The following DNA2 variants were observed in gnomAD, a reference collection of about 807,000 sequenced individuals.
DNA2 encodes the protein DNA replication ATP-dependent helicase/nuclease DNA2.
In DNA2, 101 loss-of-function variants were observed where a neutral mutation model predicts 119.1. That is an observed-to-expected ratio of 0.85 (90% confidence interval 0.72 to 1.00). DNA2 has a LOEUF of 1.00. DNA2 is among the 50% of genes least tolerant of loss of function. DNA2 has a pLI of 0.00. For synonymous variants in DNA2, 366 were observed against 424.4 expected (o/e 0.86, Z 1.69); for missense variants, 1,121 against 1,255.5 (o/e 0.89, Z 1.62).
At chr10:68,439,149 C>G (rs1590059530) in intron 9 of DNA2, among the ~76,000 whole-genome samples, 1 of 149,286 alleles carries the variant, frequency 6.7e-6, no homozygotes, top group African/African-American at 2.5e-5. Context: ...AATCTCAGCA[C>G]TTTGGGAGGC....
chr10:68,469,851 A>C, intron 2 of DNA2, 130 bp downstream of exon 2: 2 of 809,772 alleles, frequency 2.5e-6, no homozygotes, highest in Non-Finnish European at 3.7e-6. Flanking sequence ...TTCATGCAGA[A>C]TTAGGCTAAG....
chr10:68,448,968 C>T (rs10998176), intron 6 of DNA2, among the ~76,000 whole-genome samples: 5,157 of 109,130 alleles, frequency 0.047, 395 homozygotes, highest in African/African-American at 0.16. Context: ...TGTGTGTGTG[C>T]GTGTGTGTGT....
intron 9 of DNA2, among the ~76,000 whole-genome samples, chr10:68,439,098 T>TA (rs2051931340): frequency 6.7e-6 from 1 of 149,540 alleles, no homozygotes; most frequent in Admixed American, 6.7e-5. Flanking sequence ...ACGTTTTACA[T>TA]AAAAAAACAT....
chr10:68,424,705 T>C (rs1802884712), intron 14 of DNA2: 2 of 1,604,838 alleles, frequency 1.2e-6, no homozygotes, highest in East Asian at 2.2e-5. Flanking sequence ...TCCACACCCA[T>C]CCGCAAGGAC....
intron 4 of DNA2, among the ~76,000 whole-genome samples, chr10:68,464,076 C>T (rs1327408304): frequency 1.3e-5 from 2 of 152,172 alleles, no homozygotes; most frequent in Non-Finnish European, 2.9e-5. Flanking sequence ...GAAGGTTATC[C>T]TTGCAAAAGG....
In DNA2 at chr10:68,458,841, C is replaced by T. The variant is rs143432064; in HGVS notation, c.719+263G>A. On this transcript the variant is annotated intron_variant, in intron 5 of 20. Coordinates refer to ENST00000358410, the MANE Select transcript of DNA2 (RefSeq NM_001080449.3). Reference sequence around the variant, plus strand: ...TTCCAGCCTGTGCGACAGAGCAAAACTCCATCTCAAAAAAAAAGAAAGAAA... The same window carrying T: ...TTCCAGCCTGTGCGACAGAGCAAAATTCCATCTCAAAAAAAAAGAAAGAAA... Among the ~76,000 whole-genome samples the T allele has an allele frequency of 6.1e-3, 925 of 151,986 alleles. 10 individuals are homozygous for T. The highest frequency in any genetic ancestry group is 0.021 in the African/African-American group (880 of 41,472).
chr10:68,428,416 T>TA (rs879578894), intron 14 of DNA2, among the ~76,000 whole-genome samples: 8,256 of 146,654 alleles, frequency 0.056, 707 homozygotes, highest in African/African-American at 0.19. Flanking sequence ...TTTGGCAGAT[T>TA]AAAAAAAAAA....
intron 5 of DNA2, among the ~76,000 whole-genome samples, chr10:68,451,525 T>C (rs1459973573): frequency 6.6e-6 from 1 of 152,140 alleles, no homozygotes; most frequent in Non-Finnish European, 1.5e-5. Context: ...TCCTATCTAC[T>C]GGGAAAATAT....
intron 14 of DNA2, among the ~76,000 whole-genome samples, chr10:68,429,825 T>G (rs1201902952): frequency 3.3e-5 from 5 of 151,168 alleles, no homozygotes; most frequent in Non-Finnish European, 7.4e-5. Context: ...CTAGAGATAG[T>G]TATCACAAGA....
intron 14 of DNA2, among the ~76,000 whole-genome samples, chr10:68,428,239 A>C (rs996706028): frequency 3.3e-5 from 5 of 151,662 alleles, no homozygotes; most frequent in African/African-American, 1.2e-4. Context: ...AGGCAGGAGA[A>C]TGGCATGAGC....
At chr10:68,433,627 T>C (rs2051849844) in intron 10 of DNA2, among the ~76,000 whole-genome samples, 1 of 152,092 alleles carries the variant, frequency 6.6e-6, no homozygotes, top group Non-Finnish European at 1.5e-5. Context: ...ACTCCTGAGC[T>C]CAAGCTGTTA....
At chr10:68,417,109 T>C (rs1217481783) in intron 19 of DNA2, among the ~76,000 whole-genome samples, 1 of 151,854 alleles carries the variant, frequency 6.6e-6, no homozygotes, top group Non-Finnish European at 1.5e-5. Flanking sequence ...CCAGGCGTGG[T>C]GGTGTGCACC....
chr10:68,435,553 TC>T lies in DNA2; in HGVS notation c.1646+1457del, dbSNP rs373070955. 2.1e-4 allele frequency among the ~76,000 whole-genome samples: 32 copies of T among 152,200 alleles called. 1 individual carries two copies. The East Asian group carries it at 3.7e-3, about 17-fold the overall frequency. On this transcript the variant is annotated intron_variant, in intron 10 of 20. Transcript: ENST00000358410. ...CTCACTGAAACCTCTGCCTCCGGGTTCAAGCGATTCCCCTGCCTCAGCCTCC... is the reference window on the plus strand; with the variant it reads ...CTCACTGAAACCTCTGCCTCCGGGTTAAGCGATTCCCCTGCCTCAGCCTCC...
chr10:68,469,390 CAAAAAAA>C (rs71019005), intron 2 of DNA2, among the ~76,000 whole-genome samples: 29 of 76,040 alleles, frequency 3.8e-4, no homozygotes, highest in Admixed American at 8.9e-4. Context: ...ACTAAAAATA[CAAAAAAA>C]AAAAAAAAAA....
chr10:68,459,240 CA>C lies in DNA2; in HGVS notation c.588-6del. On this transcript the variant is annotated splice_polypyrimidine_tract_variant and splice_region_variant and intron_variant, in intron 4 of 20. Transcript: ENST00000358410. The stretch of plus-strand genomic sequence containing the variant: ...TGACTTAGATTTAAGCGGTACCTGC[CA>C]AAAATATAATAGTAAATAGACTTAG... 1.3e-6 allele frequency: 2 copies of C among 1,537,212 alleles called. No homozygotes were observed. Among genetic ancestry groups the C allele is most frequent in the Non-Finnish European group, 1.7e-6 (2 of 1,142,912 alleles).
At position 68,459,175 on chromosome 10, in the gene DNA2, C is replaced by A. The variant is rs751832597; in HGVS notation, c.648G>T (p.Ser216=). Residue 216 remains serine (S), a synonymous_variant, in exon 5 of 21, where the codon TCG becomes TCT. Transcript: ENST00000358410. Reference sequence around the variant, plus strand: ...TGAAATCTCCTGCCCATTTACAAAACGAAGGAAGATAGTCCTCTACTTCTT... The same window carrying A: ...TGAAATCTCCTGCCCATTTACAAAAAGAAGGAAGATAGTCCTCTACTTCTT... ...IKQEVEDYLP[S]FCKWAGDFMH... is the part of the protein sequence containing the mutation. 1 of 1,583,972 alleles carries A rather than the reference C, an allele frequency of 6.3e-7. No homozygotes were observed. The highest frequency in any genetic ancestry group is 1.8e-5 in the Admixed American group (1 of 55,310).
At chr10:68,424,927 C>G in intron 14 of DNA2, 2 of 690,974 alleles carry the variant, frequency 2.9e-6, no homozygotes, top group South Asian at 1.5e-5. Flanking sequence ...GAACACAAAG[C>G]CAAGTCTCGA....
chr10:68,449,606 A>G (rs1373326413), intron 6 of DNA2, among the ~76,000 whole-genome samples: 2 of 152,080 alleles, frequency 1.3e-5, no homozygotes, highest in African/African-American at 4.8e-5. Flanking sequence ...GCAAAACTCA[A>G]TTTCTACAAA....
chr10:68,463,603 G>A (rs1283180968), intron 4 of DNA2, among the ~76,000 whole-genome samples: 2 of 150,544 alleles, frequency 1.3e-5, no homozygotes, highest in Admixed American at 6.6e-5. Flanking sequence ...CCCAGGAGGT[G>A]GAGCTTGCAG....
Sources: allele counts gnomAD v4.1 joint callset (sites outside exome capture counted in the v4.1 genomes callset), GRCh38; gene constraint gnomAD v4.1.1; transcripts MANE v1.5; gene names NCBI Gene and HGNC (gene_info 2026-07-23, HGNC 2026-07-21).